Variants in CMC2 observed in about 807,000 individuals in gnomAD.
CMC2 encodes the protein C-X9-C motif containing 2.
CMC2 carries 5 observed loss-of-function variants against 7.5 expected under a neutral mutation model. The ratio of observed to expected loss-of-function variants is 0.66; its 90% CI spans 0.35 to 1.40. CMC2 has a LOEUF of 1.40. CMC2 is among the 40% of genes most tolerant of loss of function. The pLI is 0.04. For missense variants in CMC2, 115 were observed against 92.3 expected (o/e 1.25, Z -1.01); for synonymous variants, 37 against 31.4 (o/e 1.18, Z -0.60).
At chr16:80,979,514 T>C (rs969243112) in intron 3 of CMC2, among the ~76,000 whole-genome samples, 2 of 152,104 alleles carry the variant, frequency 1.3e-5, no homozygotes, top group African/African-American at 2.4e-5. Context: ...AAAAAACCTA[T>C]GTTATACAGC....
intron 3 of CMC2, among the ~76,000 whole-genome samples, chr16:80,977,532 C>T (rs533717506): frequency 3.3e-4 from 50 of 152,134 alleles, no homozygotes; most frequent in African/African-American, 1.2e-3. Flanking sequence ...ATCTGGAGAG[C>T]GAGGCCACAG....
chr16:80,973,015 A>G lies in CMC2; in HGVS notation c.*3078T>C, dbSNP rs1299296417. The G allele has an allele frequency of 6.6e-6, 1 of 152,296 alleles. No individual in the cohort carries two copies. 9.4% of individuals were successfully genotyped at this position (152,296 alleles called of 1,614,324 possible). Reference sequence around the variant, plus strand: ...GGCTTCCACTGCATATGGGAATTCAAAATATTTGGAAATCCTCAGGAAAAA... The same window carrying G: ...GGCTTCCACTGCATATGGGAATTCAGAATATTTGGAAATCCTCAGGAAAAA... On this transcript the variant is annotated 3_prime_UTR_variant, in exon 4 of 4. Transcript: ENST00000219400.
Position 80,976,197 on chromosome 16 carries a change from G to A in CMC2, c.154-18C>T, listed in dbSNP as rs370096810. The stretch of plus-strand genomic sequence containing the variant: ...TCTACGTACTGAAAAATAAAAGAAG[G>A]GGGGGAGAAAAGAAACAGCAGATTA... On this transcript the variant is annotated intron_variant, in intron 3 of 3. Coordinates refer to ENST00000219400, the MANE Select transcript of CMC2 (RefSeq NM_020188.5). 73 of 1,412,858 alleles carry A rather than the reference G, an allele frequency of 5.2e-5. No individual in the cohort carries two copies. The highest frequency in any genetic ancestry group is 1.4e-4 in the East Asian group (6 of 42,988). 87.5% of individuals were successfully genotyped at this position (1,412,858 alleles called of 1,614,324 possible). A position where few individuals can be genotyped will look rare whatever the true frequency, so the allele number is the denominator to read the frequency against.
intron 3 of CMC2, among the ~76,000 whole-genome samples, chr16:80,979,698 G>A (rs752462617): frequency 3.3e-5 from 5 of 151,368 alleles, no homozygotes; most frequent in Admixed American, 1.3e-4. Flanking sequence ...TGGGCTCACC[G>A]CAACCTCCGT....
At chr16:80,980,277 GACAA>G (rs1967024384) in intron 3 of CMC2, among the ~76,000 whole-genome samples, 1 of 149,950 alleles carries the variant, frequency 6.7e-6, no homozygotes, top group South Asian at 2.1e-4. Flanking sequence ...TCATATAAAG[GACAA>G]ACATTTTTAG....
Position 80,973,340 on chromosome 16 carries a change from C to G in CMC2, c.*2753G>C, listed in dbSNP as rs1389742061. On this transcript the variant is annotated 3_prime_UTR_variant, in exon 4 of 4. Transcript: ENST00000219400. The stretch of plus-strand genomic sequence containing the variant: ...GCCCTAGTGATTTGGTGCCTTCTAC[C>G]AAACTACGGAGGAAGTGTTTCCAAT... 6.6e-6 allele frequency: 1 copy of G among 152,154 alleles called. No individual in the cohort carries two copies. The highest frequency in any genetic ancestry group is 2.4e-5 in the African/African-American group (1 of 41,426). The allele number at this position is 152,154 out of a possible 1,614,324, so 9.4% of individuals were successfully genotyped here.
At chr16:81,003,949 G>A (rs910026825) in intron 1 of CMC2, among the ~76,000 whole-genome samples, 1 of 152,258 alleles carries the variant, frequency 6.6e-6, no homozygotes, top group Non-Finnish European at 1.5e-5. Flanking sequence ...GAGGCTGGAA[G>A]CTGTGGCTCA....
At chr16:81,006,604 G>A (rs1369263482) in intron 1 of CMC2, 130 bp downstream of exon 1, 3 of 658,864 alleles carry the variant, frequency 4.6e-6, no homozygotes, top group African/African-American at 3.9e-5. Context: ...GCCTGCGGCA[G>A]CCGGGTCTTC....
Position 80,967,334 on chromosome 16 carries a change from TTTG to T in CMC2, c.*8756_*8758del, listed in dbSNP as rs1414571987. The T allele has an allele frequency of 6.7e-6, 1 of 149,162 alleles. No homozygotes were observed. The highest frequency in any genetic ancestry group is 2.6e-5 in the African/African-American group (1 of 37,822). 9.2% of individuals were successfully genotyped at this position (149,162 alleles called of 1,614,324 possible). Reference sequence around the variant, plus strand: ...CTGCTTTGAAAAGATATCCTCGTTTTTTGTTTTGTTTTGTTTTGTTTTTTGAGA... The same window carrying T: ...CTGCTTTGAAAAGATATCCTCGTTTTTTTTGTTTTGTTTTGTTTTTTGAGA... On this transcript the variant is annotated 3_prime_UTR_variant, in exon 4 of 4. Transcript: ENST00000219400.
rs150739857 is a variant in CMC2 at position 80,989,773 on chromosome 16, C to A, written c.81+7541G>T. On this transcript the variant is annotated intron_variant, in intron 2 of 3. Coordinates refer to ENST00000219400, the MANE Select transcript of CMC2 (RefSeq NM_020188.5). ...TACCTCTAATTCCAATCCAACATCA[C>A]AGGATACATCCTAGTCTTTCCACTT... Among the ~76,000 whole-genome samples, 320 of 152,322 alleles carry A rather than the reference C, an allele frequency of 2.1e-3. 2 individuals carry two copies. The highest frequency in any genetic ancestry group is 6.4e-3 in the African/African-American group (267 of 41,590).
intron 2 of CMC2, among the ~76,000 whole-genome samples, chr16:80,996,290 C>T (rs1490525370): frequency 6.6e-6 from 1 of 152,190 alleles, no homozygotes; most frequent in African/African-American, 2.4e-5. Context: ...CTCCGCTGTG[C>T]CTCTCTGTTG....
rs1400106266 is a variant in CMC2, at chr16:80,970,737, A to C, written c.*5356T>G. 2 of 152,236 alleles carry C rather than the reference A, an allele frequency of 1.3e-5. No individual in the cohort carries two copies. Among genetic ancestry groups the C allele is most frequent in the South Asian group, 2.1e-4 (1 of 4,836 alleles). 9.4% of individuals were successfully genotyped at this position (152,236 alleles called of 1,614,324 possible). A position where few individuals can be genotyped will look rare whatever the true frequency, so the allele number is the denominator to read the frequency against. On this transcript the variant is annotated 3_prime_UTR_variant, in exon 4 of 4. Coordinates refer to ENST00000219400, the MANE Select transcript of CMC2 (RefSeq NM_020188.5). Reference sequence around the variant, plus strand: ...GTTTGGCAAGCCTTCTGAATGTAAGATAAATATACAGAAGTCAATTACACT... The same window carrying C: ...GTTTGGCAAGCCTTCTGAATGTAAGCTAAATATACAGAAGTCAATTACACT...
rs202005647 is a variant in CMC2, at chr16:80,981,786, T to C, written c.153+20A>G. 125 of 1,526,880 alleles carry C rather than the reference T, an allele frequency of 8.2e-5. No homozygotes were observed. The African/African-American group carries it at 1.5e-3, about 18-fold the overall frequency. 94.6% of individuals were successfully genotyped at this position (1,526,880 alleles called of 1,614,324 possible). On this transcript the variant is annotated intron_variant, in intron 3 of 3. Coordinates refer to ENST00000219400, the MANE Select transcript of CMC2 (RefSeq NM_020188.5). ...CTGTTCTATTGTTCAACCATATCCA[T>C]CCTTTGACACTTTTCTTACCTCATT...
chr16:81,004,924 T>C (rs1269196592), intron 1 of CMC2, among the ~76,000 whole-genome samples: 1 of 152,224 alleles, frequency 6.6e-6, no homozygotes, highest in Admixed American at 6.5e-5. Context: ...AAATCTATAA[T>C]CACAAGGAAG....
At chr16:80,994,145 G>A (rs1027551744) in intron 2 of CMC2, among the ~76,000 whole-genome samples, 3 of 151,984 alleles carry the variant, frequency 2.0e-5, no homozygotes, top group Non-Finnish European at 2.9e-5. Flanking sequence ...GCTACCCACA[G>A]GCAAAGAAAA....
chr16:80,999,181 G>T (rs757814644), intron 1 of CMC2, among the ~76,000 whole-genome samples: 3 of 152,132 alleles, frequency 2.0e-5, no homozygotes, highest in Non-Finnish European at 2.9e-5. Flanking sequence ...TCTATACCCA[G>T]AAAACCCTAA....
intron 2 of CMC2, among the ~76,000 whole-genome samples, chr16:80,990,265 G>A (rs1042040088): frequency 3.3e-5 from 5 of 152,096 alleles, no homozygotes; most frequent in African/African-American, 1.2e-4. Context: ...CTGTCTCCCA[G>A]GTTCAAGTGA....
chr16:80,968,064 GGTC>G lies in CMC2; in HGVS notation c.*8026_*8028del, dbSNP rs2151600505. 6.6e-6 allele frequency: 1 copy of G among 152,192 alleles called. No individual in the cohort carries two copies. The highest frequency in any genetic ancestry group is 1.5e-5 in the Non-Finnish European group (1 of 68,000). 9.4% of individuals were successfully genotyped at this position (152,192 alleles called of 1,614,324 possible). ...AGAAGTGATGACAAGAGTGGATGAA[GGTC>G]ATTAACCCTAAAGAAGTAGGCATTT... On this transcript the variant is annotated 3_prime_UTR_variant, in exon 4 of 4. Transcript: ENST00000219400.
At chr16:80,990,227 G>C (rs916547534) in intron 2 of CMC2, among the ~76,000 whole-genome samples, 1 of 151,990 alleles carries the variant, frequency 6.6e-6, no homozygotes, top group Non-Finnish European at 1.5e-5. Flanking sequence ...CTAGCGTCCA[G>C]TGACACAGTC....
Sources: gnomAD v4.1 joint callset for allele counts (sites outside exome capture counted in the v4.1 genomes callset) on GRCh38, gnomAD v4.1.1 for gene constraint, MANE v1.5 for transcripts, NCBI Gene and HGNC (gene_info 2026-07-23, HGNC 2026-07-21) for gene names.